Variants in ALG13 observed in about 807,000 individuals in gnomAD.
The protein encoded by ALG13 is UDP-N-acetylglucosamine transferase subunit ALG13.
In ALG13, 11 loss-of-function variants were observed where a neutral mutation model predicts 87.8. That is an observed-to-expected ratio of 0.13 (90% CI 0.08 to 0.21). The LOEUF (loss-of-function observed/expected upper bound fraction) is 0.21, where lower values mean the gene tolerates loss of function less well. Among genes scored for constraint, ALG13 ranks in the 10% least tolerant of loss-of-function variants. The pLI, the probability that ALG13 is intolerant of heterozygous loss-of-function variation, is 1.00. For missense variants in ALG13, 756 were observed against 866.1 expected, an observed-to-expected ratio of 0.87 and a Z score of 1.60; for synonymous variants, 320 against 306.3, an observed-to-expected ratio of 1.04 and a Z score of -0.47.
rs185934434 is a variant in ALG13, at chrX:111,729,091, T to G, written c.2368+786T>G. The stretch of plus-strand genomic sequence containing the variant: ...GAAATCCTGTGCCCATTAGGAGCCA[T>G]TCCCCATTTGCCCCAACCCCCAGCC... On this transcript the variant is annotated intron_variant, in intron 19 of 26. Transcript: ENST00000394780. 1.1e-3 allele frequency among the ~76,000 whole-genome samples: 126 copies of G among 111,688 alleles called. 2 individuals carry two copies. The highest frequency in any genetic ancestry group is 2.0e-3 in the Non-Finnish European group (104 of 53,128).
At position 111,727,435 on chromosome X, in the gene ALG13, T is replaced by C. The variant is rs952695190; in HGVS notation, c.2080T>C (p.Tyr694His). ...CTGCCAGAGCTATGATAACTTCTCT[T>C]ATAGATCTCGGTAAGTATTGTGTTG... ...RCCQSYDNFS[Y>H]RSRSFRRSHR... The change falls in exon 17 of 27, where the codon TAT (tyrosine) becomes CAT (histidine). Residue 694 changes from tyrosine (Y) to histidine (H), a missense_variant. Tyr to His is a moderately conservative substitution (Grantham distance 83). Transcript: ENST00000394780. 2 of 1,199,307 alleles carry C rather than the reference T, an allele frequency of 1.7e-6. No homozygotes were observed. Among genetic ancestry groups the C allele is most frequent in the African/African-American group, 1.8e-5 (1 of 57,074 alleles).
chrX:111,726,961 C>T lies in ALG13; in HGVS notation c.1882C>T (p.His628Tyr). 8.3e-7 allele frequency: 1 copy of T among 1,211,585 alleles called. No individual in the cohort carries two copies. Among genetic ancestry groups the T allele is most frequent in the Non-Finnish European group, 1.1e-6 (1 of 895,259 alleles). Residue 628 changes from histidine (H) to tyrosine (Y), a missense_variant, in exon 16 of 27, where the codon CAC becomes TAC. Around this residue, in one of 9 missense-constraint regions of ALG13, gnomAD observed 362 missense variants for 383.5 expected, o/e 0.94. Transcript: ENST00000394780. Reference protein sequence around the residue: ...SMHYGHDPPMHYSQTAGNVMS... With the variant: ...SMHYGHDPPMYYSQTAGNVMS... ...GCATTATGGGCACGATCCTCCAATG[C>T]ACTACTCACAGACAGCTGGCAATGT...
At chrX:111,705,352 G>A (rs913869244) in intron 3 of ALG13, among the ~76,000 whole-genome samples, 1 of 111,521 alleles carries the variant, frequency 9.0e-6, no homozygotes, top group Non-Finnish European at 1.9e-5. Context: ...ACTTTTCAGA[G>A]TTCTTTATAT....
chrX:111,712,335 A>G, intron 6 of ALG13, 149 bp from the exon 7 acceptor site: 3 of 334,150 alleles, frequency 9.0e-6, no homozygotes, highest in Non-Finnish European at 1.6e-5. Flanking sequence ...TAGCTATCAC[A>G]GTATTCCAAG....
At chrX:111,706,841 A>G (rs1938854372) in intron 3 of ALG13, 1 of 110,024 alleles carries the variant, frequency 9.1e-6, no homozygotes, top group Non-Finnish European at 1.9e-5. Flanking sequence ...TACCATGTCA[A>G]ACATTATTTC....
rs1241152046 is a variant in ALG13, at chrX:111,760,173, A to G, written c.*174A>G. ...TAGTACTTTAAAATTAAGGGGTATT[A>G]TTTTGGGCTGTGACTAAGGAAATTG... On this transcript the variant is annotated 3_prime_UTR_variant, in exon 27 of 27. Transcript: ENST00000394780. 3.6e-6 allele frequency: 2 copies of G among 553,035 alleles called. No individual in the cohort carries two copies. The highest frequency in any genetic ancestry group is 2.7e-6 in the Non-Finnish European group (1 of 368,324). The allele number at this position is 553,035 out of a possible 1,213,427, so 45.6% of individuals were successfully genotyped here. A position where few individuals can be genotyped will look rare whatever the true frequency, so the allele number is the denominator to read the frequency against.
At chrX:111,702,406 A>T (rs922677258) in intron 3 of ALG13, among the ~76,000 whole-genome samples, 2 of 111,586 alleles carry the variant, frequency 1.8e-5, no homozygotes, top group African/African-American at 6.5e-5. Flanking sequence ...GGTATTATTC[A>T]CATCTGAGCC....
intron 24 of ALG13, among the ~76,000 whole-genome samples, chrX:111,748,886 C>T (rs1944469560): frequency 1.8e-5 from 2 of 110,658 alleles, no homozygotes; most frequent in South Asian, 7.8e-4. Flanking sequence ...AGTTCGAGTC[C>T]AGCCTGGCCA....
At position 111,681,238 on chromosome X, in the gene ALG13, C is replaced by T. The variant is rs780493668; in HGVS notation, c.20C>T (p.Thr7Ile). ...CGCGCCATGAAGTGCGTGTTTGTTACCGTAGGGACCACCAGCTTTGACGAC... is the reference window on the plus strand; with the variant it reads ...CGCGCCATGAAGTGCGTGTTTGTTATCGTAGGGACCACCAGCTTTGACGAC... Reference protein sequence around the residue: MKCVFVTVGTTSFDDLI... With the variant: MKCVFVIVGTTSFDDLI... Residue 7 changes from threonine (T) to isoleucine (I), a missense_variant, in exon 1 of 27, where the codon ACC becomes ATC. By Grantham distance (89) the Thr-to-Ile change is moderately conservative (BLOSUM62 -1). Around this residue, in one of 9 missense-constraint regions of ALG13, gnomAD observed 153 missense variants for 168.7 expected, o/e 0.91. Transcript: ENST00000394780. 8.2e-7 allele frequency: 1 copy of T among 1,212,196 alleles called. No individual in the cohort carries two copies. Among genetic ancestry groups the T allele is most frequent in the Admixed American group, 2.2e-5 (1 of 46,151 alleles).
chrX:111,702,731 A>G (rs145694507), intron 3 of ALG13, among the ~76,000 whole-genome samples: 3,754 of 109,646 alleles, frequency 0.034, 141 homozygotes, highest in African/African-American at 0.11. Flanking sequence ...TGAATCTCCT[A>G]TTTCCAAGAT....
intron 19 of ALG13, among the ~76,000 whole-genome samples, chrX:111,729,480 G>T (rs1569519973): frequency 9.0e-6 from 1 of 111,488 alleles, no homozygotes; most frequent in African/African-American, 3.3e-5. Flanking sequence ...GTACGTGTGT[G>T]CATGCGTGTG....
At chrX:111,681,674 C>A (rs866175627) in intron 1 of ALG13, 6 of 863,713 alleles carry the variant, frequency 6.9e-6, no homozygotes, top group Middle Eastern at 5.5e-4. Flanking sequence ...CCTCAGGCCC[C>A]CCTGTGGACC....
At chrX:111,747,543 G>A (rs1188464562) in intron 24 of ALG13, among the ~76,000 whole-genome samples, 3 of 111,574 alleles carry the variant, frequency 2.7e-5, no homozygotes, top group Admixed American at 1.9e-4. Flanking sequence ...CTGGAATGCA[G>A]TGGCGTGATC....
intron 5 of ALG13, 47 bp from the exon 6 acceptor site, chrX:111,711,628 A>G: frequency 9.1e-7 from 1 of 1,102,775 alleles, no homozygotes; most frequent in South Asian, 2.0e-5. Context: ...ATCAGATTTC[A>G]GTAATGCTGT....
chrX:111,716,702 G>A (rs1375969620), intron 8 of ALG13, among the ~76,000 whole-genome samples: 1 of 112,089 alleles, frequency 8.9e-6, no homozygotes, highest in Non-Finnish European at 1.9e-5. Flanking sequence ...GACAAGTGAA[G>A]AATAATAGAC....
Position 111,682,290 on chromosome X carries a change from C to T in ALG13, c.240C>T (p.His80=), listed in dbSNP as rs1933637369. The T allele has an allele frequency of 8.5e-7, 1 of 1,175,100 alleles. No homozygotes were observed. Among genetic ancestry groups the T allele is most frequent in the African/African-American group, 1.8e-5 (1 of 55,797 alleles). ...DIQKADLVIS[H]AGAGSCLETL... is the part of the protein sequence containing the mutation. ...AGAAAGCAGATCTTGTTATTAGTCA[C>T]GCAGGTAAAGGTGCCTAAGAATCTC... The change falls in exon 2 of 27, where the codon CAC becomes CAT. Residue 80 remains histidine, a synonymous_variant. Coordinates refer to ENST00000394780, the MANE Select transcript of ALG13 (RefSeq NM_001099922.3).
chrX:111,738,663 C>G (rs1402474487), intron 23 of ALG13, among the ~76,000 whole-genome samples: 2 of 110,967 alleles, frequency 1.8e-5, no homozygotes, highest in Non-Finnish European at 3.8e-5. Context: ...CTCAGCCCCC[C>G]AGTACCTGGG....
At chrX:111,686,713 G>C (rs1158198175) in intron 3 of ALG13, among the ~76,000 whole-genome samples, 1 of 111,987 alleles carries the variant, frequency 8.9e-6, no homozygotes, top group African/African-American at 3.2e-5. Flanking sequence ...CTTTTAATTA[G>C]TATTTTCATT....
chrX:111,734,841 T>C (rs779191596), intron 21 of ALG13, among the ~76,000 whole-genome samples: 1 of 111,845 alleles, frequency 8.9e-6, no homozygotes, highest in South Asian at 3.8e-4. Flanking sequence ...GGACTTGAGT[T>C]AGATGTGTTG....
Sources: gnomAD v4.1 joint callset for allele counts (sites outside exome capture counted in the v4.1 genomes callset) on GRCh38, gnomAD v4.1.1 for gene constraint, gnomAD v4.1.1 regional missense constraint, MANE v1.5 for transcripts, NCBI Gene and HGNC (gene_info 2026-07-23, HGNC 2026-07-21) for gene names.